CCNI: variants seen among roughly 807,000 people sequenced by gnomAD.
CCNI encodes the protein cyclin I.
Under a neutral mutation model 34.1 loss-of-function variants are expected in CCNI, and 14 were observed. The observed-to-expected ratio is 0.41, with a 90% confidence interval of 0.27 to 0.64. The LOEUF is 0.64. Ranked by LOEUF, CCNI falls within the 30% of genes least tolerant of loss-of-function variation. CCNI has a pLI of 0.31. For missense variants in CCNI, 385 were observed against 440.5 expected, an observed-to-expected ratio of 0.87 and a Z score of 1.13; for synonymous variants, 154 against 158.4, an observed-to-expected ratio of 0.97 and a Z score of 0.21.
intron 6 of CCNI, among the ~76,000 whole-genome samples, chr4:77,050,313 A>G (rs1475626310): frequency 1.3e-5 from 2 of 152,194 alleles, no homozygotes; most frequent in African/African-American, 4.8e-5. Context: ...AGTCTTACTT[A>G]TCCTCATATA....
intron 1 of CCNI, among the ~76,000 whole-genome samples, chr4:77,074,006 GT>G (rs869087657): frequency 6.6e-6 from 1 of 151,732 alleles, no homozygotes; most frequent in Non-Finnish European, 1.5e-5. Flanking sequence ...TTTTTTTCTA[GT>G]TTTTTATTTT....
chr4:77,063,066 T>C (rs1452482074), intron 2 of CCNI, among the ~76,000 whole-genome samples: 1 of 152,086 alleles, frequency 6.6e-6, no homozygotes. Context: ...TGTGCTGTCA[T>C]AAGGGAAGCA....
chr4:77,048,116 C>T lies in CCNI; in HGVS notation c.*103G>A. On this transcript the variant is annotated 3_prime_UTR_variant, in exon 7 of 7. Transcript: ENST00000237654. Reference sequence around the variant, plus strand: ...TTTTTTCTGGCTCACTCCAAATCAGCCTGTTAAGGTATATTTCCTTCTACA... The same window carrying T: ...TTTTTTCTGGCTCACTCCAAATCAGTCTGTTAAGGTATATTTCCTTCTACA... 1 of 763,392 alleles carries T rather than the reference C, an allele frequency of 1.3e-6. No individual in the cohort carries two copies. Among genetic ancestry groups the T allele is most frequent in the Non-Finnish European group, 2.1e-6 (1 of 474,570 alleles). 47.3% of individuals were successfully genotyped at this position (763,392 alleles called of 1,614,324 possible).
At chr4:77,069,038 A>G (rs934258471) in intron 1 of CCNI, among the ~76,000 whole-genome samples, 2 of 152,172 alleles carry the variant, frequency 1.3e-5, no homozygotes, top group Admixed American at 6.5e-5. Context: ...ATCCAAAAAG[A>G]CCTATCTCAA....
chr4:77,075,815 G>A lies in CCNI; in HGVS notation c.-387C>T, dbSNP rs1420135654. The stretch of plus-strand genomic sequence containing the variant: ...GGCGGGGGCCGGGGAGAGGCGGGGG[G>A]TGAGACCGGCTCTGCCCCTGCCCGG... On this transcript the variant is annotated 5_prime_UTR_variant, in exon 1 of 7. Transcript: ENST00000237654. The A allele has an allele frequency of 6.6e-6, 1 of 152,118 alleles. No homozygotes were observed. Among genetic ancestry groups the A allele is most frequent in the Non-Finnish European group, 1.5e-5 (1 of 68,150 alleles). The allele number at this position is 152,118 out of a possible 1,614,324, so 9.4% of individuals were successfully genotyped here.
Position 77,075,765 on chromosome 4 carries a change from AG to A in CCNI, c.-338del. Reference sequence around the variant, plus strand: ...CGCCGCCGCTCGAGCCCGGGTTGGGAGGGGGCTCCCTCTCGCCATAGGGCGG... The same window carrying A: ...CGCCGCCGCTCGAGCCCGGGTTGGGAGGGGCTCCCTCTCGCCATAGGGCGG... On this transcript the variant is annotated 5_prime_UTR_variant, in exon 1 of 7. It removes the in-frame stop codon of an upstream open reading frame in the 5' UTR. Transcript: ENST00000237654. 1 of 142,598 alleles carries A rather than the reference AG, an allele frequency of 7.0e-6. No homozygotes were observed. Among genetic ancestry groups the A allele is most frequent in the Non-Finnish European group, 1.4e-5 (1 of 71,204 alleles). 8.8% of individuals were successfully genotyped at this position (142,598 alleles called of 1,614,324 possible). A position where few individuals can be genotyped will look rare whatever the true frequency, so the allele number is the denominator to read the frequency against.
Position 77,048,505 on chromosome 4 carries a change from G to A in CCNI, c.848C>T (p.Ser283Phe). 6.2e-7 allele frequency: 1 copy of A among 1,614,162 alleles called. No homozygotes were observed. The highest frequency in any genetic ancestry group is 1.1e-5 in the South Asian group (1 of 91,088). The change falls in exon 7 of 7, where the codon TCT becomes TTT. Residue 283 changes from serine to phenylalanine, a missense_variant. Physicochemically the swap from Ser to Phe is radical, Grantham distance 155. Around this residue, in one of 2 missense-constraint regions of CCNI, gnomAD observed 250 missense variants for 248.7 expected, o/e 1.01. Transcript: ENST00000237654. The stretch of plus-strand genomic sequence containing the variant: ...CTTGGAGAAGTCTGGGCCTGGGACA[G>A]AGGAGGGATGTAATCTGAACACTCC... ...DKGVFRLHPS[S>F]VPGPDFSKDN...
rs1344075137 is a variant in CCNI, at chr4:77,047,748, C to T, written c.*471G>A. 1 of 153,786 alleles carries T rather than the reference C, an allele frequency of 6.5e-6. No homozygotes were observed. Among genetic ancestry groups the T allele is most frequent in the African/African-American group, 2.4e-5 (1 of 41,418 alleles). 9.5% of individuals were successfully genotyped at this position (153,786 alleles called of 1,614,324 possible). On this transcript the variant is annotated 3_prime_UTR_variant, in exon 7 of 7. Coordinates refer to ENST00000237654, the MANE Select transcript of CCNI (RefSeq NM_006835.3). ...TGGAACTTGAGTCATGGCTGTCACACTGAAATAATTTGTTCATTCAACTGC... is the reference window on the plus strand; with the variant it reads ...TGGAACTTGAGTCATGGCTGTCACATTGAAATAATTTGTTCATTCAACTGC...
chr4:77,064,579 G>GCA (rs1364523363), intron 2 of CCNI: 4 of 110,342 alleles, frequency 3.6e-5, no homozygotes, highest in African/African-American at 1.1e-4. Context: ...ACACATGCGC[G>GCA]CGCGCGCACA....
Position 77,056,300 on chromosome 4 carries a change from A to G in CCNI, c.267T>C (p.Cys89=), listed in dbSNP as rs1454590757. Residue 89 remains cysteine, a synonymous_variant, in exon 4 of 7, where the codon TGT becomes TGC. Coordinates refer to ENST00000237654, the MANE Select transcript of CCNI (RefSeq NM_006835.3). ...TVKAHPKYLS[C]IAISCFFLAA... The stretch of plus-strand genomic sequence containing the variant: ...CTAGGAAAAAACAGCTGATTGCAAT[A>G]CAACTCAAGTATTTTGGATGAGCCT... 3.1e-6 allele frequency: 5 copies of G among 1,613,584 alleles called. No homozygotes were observed. The highest frequency in any genetic ancestry group is 4.2e-6 in the Non-Finnish European group (5 of 1,179,644).
chr4:77,063,103 G>A (rs892683882), intron 2 of CCNI, among the ~76,000 whole-genome samples: 2 of 152,088 alleles, frequency 1.3e-5, no homozygotes, highest in African/African-American at 4.8e-5. Context: ...CATAGAAGGT[G>A]AGTGACAGCT....
Position 77,072,238 on chromosome 4 carries a change from T to TA in CCNI, c.-44+3233dup, listed in dbSNP as rs527913969. On this transcript the variant is annotated intron_variant, in intron 1 of 6. Transcript: ENST00000237654. ...AATCAACGCAATACATTATCAATAG[T>TA]AAAAAAAAGAATCACTCTTTGCTCA... 1.8e-3 allele frequency among the ~76,000 whole-genome samples: 279 copies of TA among 151,290 alleles called. 1 individual carries two copies. The highest frequency in any genetic ancestry group is 5.9e-3 in the African/African-American group (243 of 41,288).
intron 1 of CCNI, among the ~76,000 whole-genome samples, chr4:77,067,321 C>T (rs1047575083): frequency 2.0e-5 from 3 of 152,064 alleles, no homozygotes; most frequent in East Asian, 3.9e-4. Context: ...GATACTATAT[C>T]GGACAGTGCA....
chr4:77,050,907 A>G (rs1165317215), intron 6 of CCNI, among the ~76,000 whole-genome samples: 2 of 152,174 alleles, frequency 1.3e-5, no homozygotes, highest in Non-Finnish European at 2.9e-5. Flanking sequence ...TTTCTAAAAA[A>G]TAAGTACAGT....
chr4:77,057,925 C>A (rs1728346442), intron 3 of CCNI, among the ~76,000 whole-genome samples: 1 of 152,200 alleles, frequency 6.6e-6, no homozygotes. Flanking sequence ...ACTAAGTATT[C>A]TGCTGATGCT....
rs1191841868 is a variant in CCNI, at chr4:77,075,490, C to T, written c.-62G>A. The T allele has an allele frequency of 7.1e-6, 7 of 982,686 alleles. No homozygotes were observed. The highest frequency in any genetic ancestry group is 8.5e-6 in the Non-Finnish European group (7 of 825,908). 60.9% of individuals were successfully genotyped at this position (982,686 alleles called of 1,614,324 possible). A position where few individuals can be genotyped will look rare whatever the true frequency, so the allele number is the denominator to read the frequency against. ...CCCTCACCTTCTCCTCCTCTTCCTC[C>T]TCCTCCTCCTCCCCGGCAGAGCTGT... On this transcript the variant is annotated 5_prime_UTR_variant, in exon 1 of 7. Transcript: ENST00000237654.
At chr4:77,063,515 C>T (rs534841003) in intron 2 of CCNI, among the ~76,000 whole-genome samples, 2 of 151,934 alleles carry the variant, frequency 1.3e-5, no homozygotes, top group Non-Finnish European at 2.9e-5. Context: ...CAGTGAAACC[C>T]CGTCTCTACT....
intron 1 of CCNI, among the ~76,000 whole-genome samples, chr4:77,070,354 T>C (rs1239877517): frequency 2.0e-5 from 3 of 151,168 alleles, no homozygotes; most frequent in African/African-American, 7.3e-5. Context: ...CACACCTCGG[T>C]ATCAATTCAG....
At position 77,048,486 on chromosome 4, in the gene CCNI, G is replaced by A; in HGVS notation, c.867C>T (p.Phe289=). ...LHPSSVPGPD[F]SKDNSKPEVP... The stretch of plus-strand genomic sequence containing the variant: ...CTTCTGGCTTGCTGTTGTCCTTGGA[G>A]AAGTCTGGGCCTGGGACAGAGGAGG... The change falls in exon 7 of 7, where the codon TTC becomes TTT. Residue 289 remains phenylalanine, a synonymous_variant. Transcript: ENST00000237654. The A allele has an allele frequency of 6.2e-7, 1 of 1,614,134 alleles. No individual in the cohort carries two copies. Among genetic ancestry groups the A allele is most frequent in the African/African-American group, 1.3e-5 (1 of 75,026 alleles).
Sources: allele counts gnomAD v4.1 joint callset (sites outside exome capture counted in the v4.1 genomes callset), GRCh38; gene constraint gnomAD v4.1.1; regional missense constraint gnomAD v4.1.1; transcripts MANE v1.5; gene names NCBI Gene and HGNC (gene_info 2026-07-23, HGNC 2026-07-21).